The following RAB11FIP4 variants were observed in gnomAD, a reference collection of about 807,000 sequenced individuals.
RAB11FIP4 encodes rab11 family-interacting protein 4.
RAB11FIP4 carries 23 observed loss-of-function variants against 74.3 expected under a neutral mutation model. The ratio of observed to expected loss-of-function variants is 0.31; its 90% CI spans 0.22 to 0.44. The LOEUF is 0.44. RAB11FIP4 is among the 20% of genes least tolerant of loss of function. RAB11FIP4 has a pLI of 1.00. For synonymous variants in RAB11FIP4, 360 were observed against 359.9 expected (o/e 1.00, Z 0.00); for missense variants, 630 against 863.9 (o/e 0.73, Z 3.39).
intron 1 of RAB11FIP4, among the ~76,000 whole-genome samples, chr17:31,410,273 A>G (rs2071080723): frequency 6.6e-6 from 1 of 152,194 alleles, no homozygotes; most frequent in African/African-American, 2.4e-5. Context: ...ATCCAAGTCC[A>G]TAAGTCACTG....
intron 3 of RAB11FIP4, among the ~76,000 whole-genome samples, chr17:31,509,861 C>T (rs1315242599): frequency 6.6e-6 from 1 of 152,060 alleles, no homozygotes; most frequent in South Asian, 2.1e-4. Flanking sequence ...AAGGCAAGGC[C>T]GAGGCACTGC....
At chr17:31,470,039 T>C (rs1185122394) in intron 3 of RAB11FIP4, among the ~76,000 whole-genome samples, 2 of 152,186 alleles carry the variant, frequency 1.3e-5, no homozygotes, top group Admixed American at 1.3e-4. Context: ...GGGGTGCCCC[T>C]GCAGACTCAT....
intron 1 of RAB11FIP4, among the ~76,000 whole-genome samples, chr17:31,414,713 C>T (rs1157752168): frequency 6.6e-6 from 1 of 152,202 alleles, no homozygotes. Flanking sequence ...GTCTAGCCAC[C>T]CTGGCCAGAG....
intron 9 of RAB11FIP4, chr17:31,524,711 T>C (rs1404057309): frequency 1.2e-5 from 3 of 249,582 alleles, no homozygotes; most frequent in Non-Finnish European, 7.9e-6. Flanking sequence ...TGTGCCTATT[T>C]TGGGAGTCAA....
chr17:31,462,286 A>G (rs2071641392), intron 3 of RAB11FIP4, among the ~76,000 whole-genome samples: 1 of 152,048 alleles, frequency 6.6e-6, no homozygotes, highest in East Asian at 1.9e-4. Context: ...AAAAACAAAA[A>G]AAAAAACAGG....
At chr17:31,402,840 T>C (rs901344732) in intron 1 of RAB11FIP4, among the ~76,000 whole-genome samples, 4 of 151,806 alleles carry the variant, frequency 2.6e-5, no homozygotes, top group South Asian at 2.1e-4. Flanking sequence ...TTAGCCAGGA[T>C]GGTCTCGATC....
intron 1 of RAB11FIP4, among the ~76,000 whole-genome samples, chr17:31,427,780 A>G (rs1473066722): frequency 1.3e-5 from 2 of 152,192 alleles, no homozygotes; most frequent in Non-Finnish European, 2.9e-5. Context: ...ATGCAAAGGC[A>G]GGAGGAGAGG....
In RAB11FIP4 at chr17:31,534,757, C is replaced by T. The variant is rs2072930016; in HGVS notation, c.*3025C>T. On this transcript the variant is annotated 3_prime_UTR_variant, in exon 15 of 15. Transcript: ENST00000621161. ...ATTGTTTTTGCTAAACCTGGCAACC[C>T]TACCGAGTAGGGATTAGCAGTAACT... 2.0e-5 allele frequency: 3 copies of T among 153,262 alleles called. No individual in the cohort carries two copies. In the South Asian group the frequency reaches 6.2e-4, roughly 32 times the overall value. The allele number at this position is 153,262 out of a possible 1,614,324, so 9.5% of individuals were successfully genotyped here.
Position 31,525,049 on chromosome 17 carries a change from T to C in RAB11FIP4, c.1134-41T>C, listed in dbSNP as rs905512258. 11 of 1,549,136 alleles carry C rather than the reference T, an allele frequency of 7.1e-6. No homozygotes were observed. In the Admixed American group the frequency reaches 2.2e-4, roughly 30 times the overall value. On this transcript the variant is annotated intron_variant, in intron 9 of 14. Transcript: ENST00000621161. ...TGCCACAGCCTGGGTTGGGGTGAAATGGTGCAGGCCCCAAGAGCTTGCCCA... is the reference window on the plus strand; with the variant it reads ...TGCCACAGCCTGGGTTGGGGTGAAACGGTGCAGGCCCCAAGAGCTTGCCCA...
At chr17:31,435,098 A>G (rs1194194447) in intron 3 of RAB11FIP4, among the ~76,000 whole-genome samples, 2 of 152,172 alleles carry the variant, frequency 1.3e-5, no homozygotes, top group African/African-American at 2.4e-5. Flanking sequence ...AGGTGGGAGG[A>G]GCACTTGAGC....
At chr17:31,416,080 C>G (rs1310152092) in intron 1 of RAB11FIP4, among the ~76,000 whole-genome samples, 3 of 152,234 alleles carry the variant, frequency 2.0e-5, no homozygotes, top group Non-Finnish European at 4.4e-5. Context: ...CTTATCGAAG[C>G]CCAGGCAGAG....
At chr17:31,433,682 C>T (rs576133715) in intron 2 of RAB11FIP4, among the ~76,000 whole-genome samples, 1 of 152,350 alleles carries the variant, frequency 6.6e-6, no homozygotes, top group South Asian at 2.1e-4. Flanking sequence ...TGTTTGCTTT[C>T]TCCAGAGGCT....
intron 2 of RAB11FIP4, among the ~76,000 whole-genome samples, chr17:31,433,550 C>T (rs570989770): frequency 6.6e-6 from 1 of 152,320 alleles, no homozygotes; most frequent in South Asian, 2.1e-4. Context: ...GTTGGGATCT[C>T]AGGAGCGAGG....
At chr17:31,499,837 G>T (rs1183092777) in intron 3 of RAB11FIP4, among the ~76,000 whole-genome samples, 14 of 152,198 alleles carry the variant, frequency 9.2e-5, no homozygotes, top group Admixed American at 9.2e-4. Context: ...TCAGGTAGGT[G>T]ATGGGGGACT....
rs978269473 is a variant in RAB11FIP4, at chr17:31,512,060, C to T, written c.337-5591C>T. Reference sequence around the variant, plus strand: ...TCCAGCTCTCTCCAGAATGCCCTGGCCTCAGGTAATTCCTCAGCTTGGCTT... The same window carrying T: ...TCCAGCTCTCTCCAGAATGCCCTGGTCTCAGGTAATTCCTCAGCTTGGCTT... On this transcript the variant is annotated intron_variant, in intron 3 of 14. Coordinates refer to ENST00000621161, the MANE Select transcript of RAB11FIP4 (RefSeq NM_032932.6). The surrounding 1 kb of genome is among the most constrained non-coding windows in gnomAD (Gnocchi z 4.1). Among the ~76,000 whole-genome samples, 1 of 152,146 alleles carries T rather than the reference C, an allele frequency of 6.6e-6. No homozygotes were observed. Among genetic ancestry groups the T allele is most frequent in the African/African-American group, 2.4e-5 (1 of 41,432 alleles).
At chr17:31,479,261 T>C (rs1156970206) in intron 3 of RAB11FIP4, among the ~76,000 whole-genome samples, 3 of 152,166 alleles carry the variant, frequency 2.0e-5, no homozygotes, top group African/African-American at 7.2e-5. Context: ...GTAGAGGAAT[T>C]GTTTCTTCAG....
intron 12 of RAB11FIP4, 34 bp from the exon 13 acceptor site, chr17:31,528,586 C>T: frequency 6.2e-7 from 1 of 1,613,338 alleles, no homozygotes; most frequent in Non-Finnish European, 8.5e-7. Flanking sequence ...TTCCAGCATC[C>T]CTGCTCCTGC....
At chr17:31,498,680 T>C (rs1465085717) in intron 3 of RAB11FIP4, among the ~76,000 whole-genome samples, 2 of 152,076 alleles carry the variant, frequency 1.3e-5, no homozygotes, top group Admixed American at 6.5e-5. Flanking sequence ...GGACCGTGGG[T>C]CAGCTCCATC....
intron 3 of RAB11FIP4, among the ~76,000 whole-genome samples, chr17:31,514,181 C>T (rs887094095): frequency 3.3e-5 from 5 of 152,226 alleles, no homozygotes; most frequent in East Asian, 1.9e-4. Context: ...TCTCTCCACC[C>T]GGTCAGGGGC....
Sources: allele counts gnomAD v4.1 joint callset (sites outside exome capture counted in the v4.1 genomes callset), GRCh38; gene constraint gnomAD v4.1.1; non-coding constraint Gnocchi (gnomAD v3.1); transcripts MANE v1.5; gene names NCBI Gene and HGNC (gene_info 2026-07-23, HGNC 2026-07-21).